The following LAMA2 variants were observed in gnomAD, a reference collection of about 807,000 sequenced individuals.
The protein encoded by LAMA2 is laminin subunit alpha-2.
A neutral mutation model predicts 364.8 loss-of-function variants in LAMA2; 269 were observed. The ratio of observed to expected loss-of-function variants is 0.74; its 90% CI spans 0.67 to 0.82. LAMA2 has a LOEUF of 0.82. LAMA2 is among the 40% of genes least tolerant of loss of function. The pLI, the probability that LAMA2 is intolerant of heterozygous loss-of-function variation, is 0.00. For missense variants in LAMA2, 3,807 were observed against 3,873.2 expected (o/e 0.98, Z 0.45); for synonymous variants, 1,379 against 1,370.6 (o/e 1.01, Z -0.14).
chr6:129,181,121 G>A (rs182262295), intron 10 of LAMA2, among the ~76,000 whole-genome samples: 3 of 152,220 alleles, frequency 2.0e-5, no homozygotes, highest in Non-Finnish European at 4.4e-5. Context: ...TGTGTGCCAC[G>A]TGGGAATGGG....
In LAMA2 at chr6:129,254,354, A is replaced by G. The variant is rs186598065; in HGVS notation, c.2096+2059A>G. ...ACTCAGCTATTTAATAGTTGTAAAC[A>G]TAAGTATGGCTTTGACCTCTTTGGA... On this transcript the variant is annotated intron_variant, in intron 14 of 64. Coordinates refer to ENST00000421865, the MANE Select transcript of LAMA2 (RefSeq NM_000426.4). Among the ~76,000 whole-genome samples, 159 of 152,376 alleles carry G rather than the reference A, an allele frequency of 1.0e-3. 1 individual carries two copies. The highest frequency in any genetic ancestry group is 8.1e-4 in the Non-Finnish European group (55 of 68,036).
intron 12 of LAMA2, among the ~76,000 whole-genome samples, chr6:129,230,395 T>G (rs1231430862): frequency 6.6e-6 from 1 of 152,002 alleles, no homozygotes; most frequent in Non-Finnish European, 1.5e-5. Flanking sequence ...TAAGAGAGAA[T>G]AAGAAGAAAG....
chr6:129,117,591 C>T (rs991660993), intron 4 of LAMA2, among the ~76,000 whole-genome samples: 1 of 152,148 alleles, frequency 6.6e-6, no homozygotes, highest in African/African-American at 2.4e-5. Flanking sequence ...CCTACAAAAG[C>T]AGAGAGGCGG....
chr6:129,486,552 G>T lies in LAMA2; in HGVS notation c.7828G>T (p.Val2610Leu), dbSNP rs200710385. 1.9e-6 allele frequency: 3 copies of T among 1,613,988 alleles called. No homozygotes were observed. Among genetic ancestry groups the T allele is most frequent in the Middle Eastern group, 1.7e-4 (1 of 6,060 alleles). ...AGGGGCACGAACAATGAGGAAAATT[G>T]TGATCAGACCAGAGCCGAATCTGTT... Reference protein sequence around the residue: ...STGARTMRKIVIRPEPNLFHD... With the variant: ...STGARTMRKILIRPEPNLFHD... Residue 2610 changes from valine to leucine, a missense_variant, in exon 56 of 65, where the codon GTG (valine) becomes TTG (leucine). Coordinates refer to ENST00000421865, the MANE Select transcript of LAMA2 (RefSeq NM_000426.4).
intron 3 of LAMA2, among the ~76,000 whole-genome samples, chr6:129,089,725 G>A (rs972156984): frequency 5.9e-5 from 9 of 152,198 alleles, no homozygotes; most frequent in Non-Finnish European, 1.3e-4. Context: ...GCTTGCCTGG[G>A]TTTTCCCTGC....
intron 4 of LAMA2, among the ~76,000 whole-genome samples, chr6:129,129,652 C>T (rs1195875280): frequency 6.6e-6 from 1 of 152,184 alleles, no homozygotes; most frequent in Non-Finnish European, 1.5e-5. Flanking sequence ...TGGCCGGGCG[C>T]GGTGGCTCAC....
At chr6:129,248,099 G>C (rs946374642) in intron 12 of LAMA2, among the ~76,000 whole-genome samples, 1 of 152,114 alleles carries the variant, frequency 6.6e-6, no homozygotes, top group Non-Finnish European at 1.5e-5. Context: ...TCAGATCAGC[G>C]GTGGTATTAG....
chr6:129,494,398 A>G (rs774768742), intron 58 of LAMA2, among the ~76,000 whole-genome samples: 2 of 152,254 alleles, frequency 1.3e-5, no homozygotes, highest in Non-Finnish European at 2.9e-5. Context: ...TATTTCATCT[A>G]TCTTGCCTAC....
chr6:129,507,754 T>A (rs1165011181), intron 62 of LAMA2, 112 bp downstream of exon 62: 39 of 1,102,322 alleles, frequency 3.5e-5, no homozygotes, highest in Non-Finnish European at 5.2e-5. Flanking sequence ...ATCCTTTATT[T>A]AAGCCAAAAA....
At chr6:129,021,739 A>G (rs1309735087) in intron 1 of LAMA2, among the ~76,000 whole-genome samples, 1 of 152,214 alleles carries the variant, frequency 6.6e-6, no homozygotes, top group African/African-American at 2.4e-5. Context: ...ACTTGTGGGT[A>G]AGGAAACAGA....
At chr6:129,195,729 G>A (rs1231056706) in intron 12 of LAMA2, among the ~76,000 whole-genome samples, 1 of 152,144 alleles carries the variant, frequency 6.6e-6, no homozygotes, top group African/African-American at 2.4e-5. Context: ...GTTAATGCTT[G>A]GTTTTAGGGC....
At chr6:129,063,262 G>C (rs567971151) in intron 3 of LAMA2, among the ~76,000 whole-genome samples, 13 of 152,100 alleles carry the variant, frequency 8.5e-5, no homozygotes, top group Admixed American at 2.6e-4. Context: ...AACTGTTCCA[G>C]TGACGTGTAT....
intron 1 of LAMA2, among the ~76,000 whole-genome samples, chr6:128,989,499 G>A (rs1464597064): frequency 6.6e-6 from 1 of 152,140 alleles, no homozygotes; most frequent in African/African-American, 2.4e-5. Flanking sequence ...TAGAAAGCAA[G>A]ACACTTTCCT....
intron 40 of LAMA2, among the ~76,000 whole-genome samples, chr6:129,410,788 G>A (rs558533400): frequency 6.6e-6 from 1 of 152,238 alleles, no homozygotes; most frequent in East Asian, 1.9e-4. Flanking sequence ...AAGAATAAGA[G>A]ATTTATTATG....
intron 33 of LAMA2, among the ~76,000 whole-genome samples, chr6:129,369,552 G>A (rs1048856755): frequency 1.3e-5 from 2 of 151,908 alleles, no homozygotes; most frequent in Non-Finnish European, 2.9e-5. Flanking sequence ...CTGACTGTGT[G>A]ATCTCGTGCA....
At position 128,971,503 on chromosome 6, in the gene LAMA2, G is replaced by A. The variant is rs74404954; in HGVS notation, c.113-78415G>A. Among the ~76,000 whole-genome samples the A allele has an allele frequency of 6.2e-3, 950 of 152,236 alleles. 12 individuals carry two copies. Among genetic ancestry groups the A allele is most frequent in the African/African-American group, 0.021 (893 of 41,540 alleles). On this transcript the variant is annotated intron_variant, in intron 1 of 64. Coordinates refer to ENST00000421865, the MANE Select transcript of LAMA2 (RefSeq NM_000426.4). Reference sequence around the variant, plus strand: ...TCAAAGAGTGCATTCTAGAAAAGGTGGTACCTGTACAGGGGTTTGGAGGAT... The same window carrying A: ...TCAAAGAGTGCATTCTAGAAAAGGTAGTACCTGTACAGGGGTTTGGAGGAT...
intron 40 of LAMA2, among the ~76,000 whole-genome samples, chr6:129,408,982 C>T (rs1240514022): frequency 6.6e-6 from 1 of 152,186 alleles, no homozygotes; most frequent in Non-Finnish European, 1.5e-5. Flanking sequence ...ATCCACATAC[C>T]TCTTCCCCAG....
intron 1 of LAMA2, among the ~76,000 whole-genome samples, chr6:128,997,324 GAGAGAAAGAA>G (rs1181423250): frequency 7.8e-6 from 1 of 127,932 alleles, no homozygotes; most frequent in African/African-American, 2.9e-5. Context: ...CAAAGAGAGA[GAGAGAAAGAA>G]AGAGAAAGAA....
At chr6:129,471,950 T>C (rs1021038841) in intron 51 of LAMA2, among the ~76,000 whole-genome samples, 2 of 151,994 alleles carry the variant, frequency 1.3e-5, no homozygotes, top group Non-Finnish European at 2.9e-5. Flanking sequence ...CAAGGGAATT[T>C]TGGAATTTGA....
Sources: allele counts gnomAD v4.1 joint callset (sites outside exome capture counted in the v4.1 genomes callset), GRCh38; gene constraint gnomAD v4.1.1; transcripts MANE v1.5; gene names NCBI Gene and HGNC (gene_info 2026-07-23, HGNC 2026-07-21).